Variants in ATG12 observed in about 807,000 individuals in gnomAD.
ATG12 encodes autophagy related 12.
A neutral mutation model predicts 17.6 loss-of-function variants in ATG12; 19 were observed. The ratio of observed to expected loss-of-function variants is 1.08; its 90% CI spans 0.75 to 1.58. ATG12 has a LOEUF of 1.58. ATG12 is among the 40% of genes most tolerant of loss of function. The pLI, the probability that ATG12 is intolerant of heterozygous loss-of-function variation, is 0.00. For missense variants in ATG12, 214 were observed against 162.0 expected (o/e 1.32, Z -1.74); for synonymous variants, 75 against 62.4 (o/e 1.20, Z -0.95).
chr5:115,829,252 ATT>A lies in ATG12; in HGVS notation c.*2550_*2551del, dbSNP rs375346636. 1 of 152,252 alleles carries A rather than the reference ATT, an allele frequency of 6.6e-6. No individual in the cohort carries two copies. Among genetic ancestry groups the A allele is most frequent in the East Asian group, 1.9e-4 (1 of 5,190 alleles). 9.4% of individuals were successfully genotyped at this position (152,252 alleles called of 1,614,324 possible). A position where few individuals can be genotyped will look rare whatever the true frequency, so the allele number is the denominator to read the frequency against. On this transcript the variant is annotated 3_prime_UTR_variant, in exon 4 of 4. Transcript: ENST00000509910. ...AGAAACTGCATGAAAAGAGATTTTT[ATT>A]TTCACACTCCTTCAACACCTAAGGC...
chr5:115,828,759 G>A lies in ATG12; in HGVS notation c.*3045C>T, dbSNP rs1433890494. The A allele has an allele frequency of 6.6e-6, 1 of 152,088 alleles. No individual in the cohort carries two copies. The allele number at this position is 152,088 out of a possible 1,614,324, so 9.4% of individuals were successfully genotyped here. A position where few individuals can be genotyped will look rare whatever the true frequency, so the allele number is the denominator to read the frequency against. ...ACATTACTAATTATTTACATATAAG[G>A]AAATGTACTAAGTATTATGTGTGTG... On this transcript the variant is annotated 3_prime_UTR_variant, in exon 4 of 4. Transcript: ENST00000509910.
At chr5:115,834,549 T>C (rs1163321122) in intron 2 of ATG12, among the ~76,000 whole-genome samples, 1 of 152,228 alleles carries the variant, frequency 6.6e-6, no homozygotes, top group Non-Finnish European at 1.5e-5. Flanking sequence ...TCAGCTTTTT[T>C]TTCTTTCTGC....
intron 2 of ATG12, chr5:115,833,544 C>G (rs1561451111): frequency 6.6e-6 from 1 of 152,026 alleles, no homozygotes; most frequent in Non-Finnish European, 1.5e-5. Flanking sequence ...CAAATAATCT[C>G]TCATCCTCTT....
chr5:115,837,277 C>G (rs1337074473), intron 2 of ATG12, among the ~76,000 whole-genome samples: 3 of 152,076 alleles, frequency 2.0e-5, no homozygotes, highest in African/African-American at 7.2e-5. Context: ...CAGTGGCACA[C>G]TCATGTAATT....
intron 1 of ATG12, chr5:115,840,463 A>G (rs1761343395): frequency 5.1e-6 from 2 of 390,602 alleles, no homozygotes; most frequent in African/African-American, 2.2e-5. Context: ...ACACCCATCT[A>G]ACTTTTATAT....
chr5:115,837,875 T>G, intron 1 of ATG12, 111 bp from the exon 2 acceptor site: 1 of 861,998 alleles, frequency 1.2e-6, no homozygotes, highest in Non-Finnish European at 1.7e-6. Flanking sequence ...TCTTACGTAT[T>G]TATGATACTG....
intron 3 of ATG12, 107 bp from the exon 4 acceptor site, chr5:115,831,970 A>G (rs1367975812): frequency 9.8e-7 from 1 of 1,020,004 alleles, no homozygotes; most frequent in Admixed American, 2.3e-5. Flanking sequence ...ACGTATATTA[A>G]GTTACCTATG....
At position 115,831,084 on chromosome 5, in the gene ATG12, T is replaced by C. The variant is rs1039270191; in HGVS notation, c.*720A>G. The C allele has an allele frequency of 3.9e-5, 6 of 152,228 alleles. No homozygotes were observed. The highest frequency in any genetic ancestry group is 2.0e-4 in the Admixed American group (3 of 15,282). The allele number at this position is 152,228 out of a possible 1,614,324, so 9.4% of individuals were successfully genotyped here. ...ACAGAGTAACACCACAGTTATGTGATTGGGACTCAAGAATCCTTAAATGTT... is the reference window on the plus strand; with the variant it reads ...ACAGAGTAACACCACAGTTATGTGACTGGGACTCAAGAATCCTTAAATGTT... On this transcript the variant is annotated 3_prime_UTR_variant, in exon 4 of 4. Transcript: ENST00000509910.
At chr5:115,841,071 G>A in intron 1 of ATG12, 1 of 397,618 alleles carries the variant, frequency 2.5e-6, no homozygotes, top group Non-Finnish European at 4.7e-6. Flanking sequence ...TGGAATTACC[G>A]AGACCCCCCT....
chr5:115,832,325 G>A (rs889064559), intron 3 of ATG12, among the ~76,000 whole-genome samples: 4 of 152,026 alleles, frequency 2.6e-5, no homozygotes, highest in Non-Finnish European at 2.9e-5. Flanking sequence ...CTTACTTTAT[G>A]AGAATCATGA....
Position 115,832,910 on chromosome 5 carries a change from G to C in ATG12, c.301-246C>G, listed in dbSNP as rs140436674. ...GTGGTTCCTAACTTTGTATAACTAA[G>C]AAACTTTTAAATATTTTTTACAAAT... On this transcript the variant is annotated intron_variant, in intron 2 of 3. Coordinates refer to ENST00000509910, the MANE Select transcript of ATG12 (RefSeq NM_004707.4). 205 of 352,214 alleles carry C rather than the reference G, an allele frequency of 5.8e-4. 2 individuals carry two copies. Among genetic ancestry groups the C allele is most frequent in the African/African-American group, 4.2e-3 (198 of 47,436 alleles). The allele number at this position is 352,214 out of a possible 1,614,324, so 21.8% of individuals were successfully genotyped here. A position where few individuals can be genotyped will look rare whatever the true frequency, so the allele number is the denominator to read the frequency against.
In ATG12 at chr5:115,831,778, A is replaced by T; in HGVS notation, c.*26T>A. The T allele has an allele frequency of 6.2e-7, 1 of 1,607,606 alleles. No homozygotes were observed. The highest frequency in any genetic ancestry group is 8.5e-7 in the Non-Finnish European group (1 of 1,176,558). On this transcript the variant is annotated 3_prime_UTR_variant, in exon 4 of 4. Transcript: ENST00000509910. ...TCTTCCGTGAAAATCCATTTCATGT[A>T]GTAGCAAGTTGATTTTCTTTGTGGT...
At position 115,828,699 on chromosome 5, in the gene ATG12, C is replaced by G. The variant is rs1760737279; in HGVS notation, c.*3105G>C. The G allele has an allele frequency of 6.6e-6, 1 of 152,146 alleles. No homozygotes were observed. The highest frequency in any genetic ancestry group is 1.5e-5 in the Non-Finnish European group (1 of 68,006). 9.4% of individuals were successfully genotyped at this position (152,146 alleles called of 1,614,324 possible). ...ATTTCCTTTGTTTTTAGCTGTCATA[C>G]TTTGCTAATCACAATTTCATTCACT... On this transcript the variant is annotated 3_prime_UTR_variant, in exon 4 of 4. Coordinates refer to ENST00000509910, the MANE Select transcript of ATG12 (RefSeq NM_004707.4).
In ATG12 at chr5:115,829,578, CATG is replaced by C. The variant is rs1353040771; in HGVS notation, c.*2223_*2225del. On this transcript the variant is annotated 3_prime_UTR_variant, in exon 4 of 4. Transcript: ENST00000509910. ...GTCATCTATGCACAGTAAGATGAAG[CATG>C]ATATTAATGACATCTATTTAGTCAC... The C allele has an allele frequency of 6.6e-6, 1 of 152,096 alleles. No homozygotes were observed. The highest frequency in any genetic ancestry group is 1.5e-5 in the Non-Finnish European group (1 of 68,018). The allele number at this position is 152,096 out of a possible 1,614,324, so 9.4% of individuals were successfully genotyped here. A position where few individuals can be genotyped will look rare whatever the true frequency, so the allele number is the denominator to read the frequency against.
intron 2 of ATG12, among the ~76,000 whole-genome samples, chr5:115,835,901 G>C (rs1364867870): frequency 5.3e-5 from 8 of 151,908 alleles, no homozygotes; most frequent in African/African-American, 1.9e-4. Flanking sequence ...ACCTAGTTTT[G>C]TTACAAATAC....
rs745734131 is a variant in ATG12 at position 115,830,024 on chromosome 5, G to C, written c.*1780C>G. 4 of 151,218 alleles carry C rather than the reference G, an allele frequency of 2.6e-5. No individual in the cohort carries two copies. The highest frequency in any genetic ancestry group is 5.9e-5 in the Non-Finnish European group (4 of 68,024). The allele number at this position is 151,218 out of a possible 1,614,324, so 9.4% of individuals were successfully genotyped here. ...CCCAGCTACTCAGGAGGCTGAGGCA[G>C]GAGAATCACTTGAACCCGGGAGGTA... is the stretch of plus-strand genomic sequence containing the variant. On this transcript the variant is annotated 3_prime_UTR_variant, in exon 4 of 4. Coordinates refer to ENST00000509910, the MANE Select transcript of ATG12 (RefSeq NM_004707.4).
chr5:115,837,534 G>A (rs1580571179), intron 2 of ATG12, 94 bp downstream of exon 2: 1 of 1,286,166 alleles, frequency 7.8e-7, no homozygotes. Context: ...GACATATGTG[G>A]CTCCATATGC....
chr5:115,831,402 ATAGAGAT>A lies in ATG12; in HGVS notation c.*395_*401del. On this transcript the variant is annotated 3_prime_UTR_variant, in exon 4 of 4. Transcript: ENST00000509910. Reference sequence around the variant, plus strand: ...GGTCAATGTGACTAAAAAGGTAAACATAGAGATAAATGTAAACATTAAAAAAAAAGGA... The same window carrying A: ...GGTCAATGTGACTAAAAAGGTAAACAAAATGTAAACATTAAAAAAAAAGGA... 1 of 193,550 alleles carries A rather than the reference ATAGAGAT, an allele frequency of 5.2e-6. No individual in the cohort carries two copies. The allele number at this position is 193,550 out of a possible 1,614,324, so 12.0% of individuals were successfully genotyped here. A position where few individuals can be genotyped will look rare whatever the true frequency, so the allele number is the denominator to read the frequency against.
chr5:115,841,342 A>G (rs1761462174), intron 1 of ATG12, 48 bp downstream of exon 1: 1 of 1,607,064 alleles, frequency 6.2e-7, no homozygotes, highest in Non-Finnish European at 8.5e-7. Context: ...CCCTACTCGG[A>G]TGCAATCTGA....
Sources: allele counts gnomAD v4.1 joint callset (sites outside exome capture counted in the v4.1 genomes callset), GRCh38; gene constraint gnomAD v4.1.1; transcripts MANE v1.5; gene names NCBI Gene and HGNC (gene_info 2026-07-23, HGNC 2026-07-21).